Variants in DDAH1 observed in about 807,000 individuals in gnomAD.
DDAH1 encodes N(G),N(G)-dimethylarginine dimethylaminohydrolase 1.
DDAH1 carries 19 observed loss-of-function variants against 28.8 expected under a neutral mutation model. The observed-to-expected ratio is 0.66, with a 90% CI of 0.46 to 0.97. DDAH1 has a LOEUF of 0.97. Among genes scored for constraint, DDAH1 ranks in the 50% least tolerant of loss-of-function variants. The pLI is 0.00. For missense variants in DDAH1, 326 were observed against 375.9 expected (o/e 0.87, Z 1.10); for synonymous variants, 153 against 154.4 (o/e 0.99, Z 0.07).
intron 1 of DDAH1, chr1:85,379,693 T>A: frequency 6.1e-6 from 6 of 985,386 alleles, no homozygotes; most frequent in Non-Finnish European, 7.2e-6. Context: ...TTATATTCAC[T>A]GTACTCTGAA....
intron 1 of DDAH1, among the ~76,000 whole-genome samples, chr1:85,412,146 T>C (rs1215616564): frequency 6.6e-6 from 1 of 152,140 alleles, no homozygotes; most frequent in African/African-American, 2.4e-5. Context: ...ATGTGAAAGG[T>C]TTTGTTTTAA....
chr1:85,527,124 G>C (rs1485624293), intron 1 of DDAH1, among the ~76,000 whole-genome samples: 1 of 152,214 alleles, frequency 6.6e-6, no homozygotes, highest in African/African-American at 2.4e-5. Context: ...ATCATACCAA[G>C]ATATACAACC....
chr1:85,578,090 C>G, exon 1 of DDAH1: 7 of 842,118 alleles, frequency 8.3e-6, no homozygotes, highest in Non-Finnish European at 1.0e-5. Flanking sequence ...TCTGGACGGT[C>G]TTTGGGCAGG....
intron 1 of DDAH1, among the ~76,000 whole-genome samples, chr1:85,431,319 T>C (rs938363448): frequency 1.6e-4 from 25 of 152,188 alleles, no homozygotes; most frequent in Admixed American, 1.3e-4. Flanking sequence ...GATTTTCGCA[T>C]TGATGTTCAT....
intron 1 of DDAH1, among the ~76,000 whole-genome samples, chr1:85,555,249 G>A (rs551737393): frequency 6.6e-6 from 1 of 152,304 alleles, no homozygotes; most frequent in South Asian, 2.1e-4. Context: ...ATATAGACTG[G>A]TTCTCTGACA....
At chr1:85,541,341 T>C (rs1049423468) in intron 1 of DDAH1, among the ~76,000 whole-genome samples, 7 of 152,246 alleles carry the variant, frequency 4.6e-5, no homozygotes, top group African/African-American at 1.7e-4. Flanking sequence ...GGAGGAAATG[T>C]CCTGTGTGCT....
rs185253344 is a variant in DDAH1 at position 85,347,243 on chromosome 1, T to C, written c.597+3172A>G. ...AGGATCTAGAACTAGAAATACCATTTGACCCAGCCATCCCGTTACTGAGTA... is the reference window on the plus strand; with the variant it reads ...AGGATCTAGAACTAGAAATACCATTCGACCCAGCCATCCCGTTACTGAGTA... On this transcript the variant is annotated intron_variant, in intron 4 of 5. Transcript: ENST00000284031. 9.2e-5 allele frequency among the ~76,000 whole-genome samples: 14 copies of C among 152,362 alleles called. No homozygotes were observed. In the East Asian group the frequency reaches 2.7e-3, roughly 29 times the overall value.
intron 1 of DDAH1, among the ~76,000 whole-genome samples, chr1:85,508,987 T>C (rs2100748337): frequency 6.6e-6 from 1 of 152,360 alleles, no homozygotes; most frequent in South Asian, 2.1e-4. Flanking sequence ...GCCAGGCGTT[T>C]GAGCTCTGAG....
chr1:85,363,446 T>C (rs1649894067), intron 1 of DDAH1, among the ~76,000 whole-genome samples: 1 of 152,248 alleles, frequency 6.6e-6, no homozygotes, highest in Admixed American at 6.5e-5. Flanking sequence ...TTGTAACTCA[T>C]CACATTACAG....
At chr1:85,353,719 C>CTTTTAAGAAAATA (rs1553125065) in intron 2 of DDAH1, among the ~76,000 whole-genome samples, 1 of 151,926 alleles carries the variant, frequency 6.6e-6, no homozygotes, top group Non-Finnish European at 1.5e-5. Flanking sequence ...TTATTTATAA[C>CTTTTAAGAAAATA]TTTTAAGAAA....
In DDAH1 at chr1:85,537,012, G is replaced by GTA. The variant is rs1158672460; in HGVS notation, c.-122-40733_-122-40732dup. ...GTATATACATACACACAGTGTGTAT[G>GTA]TATATATATATACACAGTGGAATAC... is the stretch of plus-strand genomic sequence containing the variant. On this transcript the variant is annotated intron_variant, in intron 1 of 6. Coordinates refer to the DDAH1 transcript ENST00000426972. Among the ~76,000 whole-genome samples the GTA allele has an allele frequency of 2.4e-3, 337 of 142,192 alleles. 2 individuals are homozygous for GTA. The highest frequency in any genetic ancestry group is 8.3e-3 in the African/African-American group (318 of 38,396). 93.3% of individuals were successfully genotyped at this position (142,192 alleles called of 152,430 possible). A position where few individuals can be genotyped will look rare whatever the true frequency, so the allele number is the denominator to read the frequency against.
chr1:85,428,572 TCAGAGA>T lies in DDAH1; in HGVS notation c.303+36165_303+36170del, dbSNP rs544680705. Among the ~76,000 whole-genome samples, 508 of 152,198 alleles carry T rather than the reference TCAGAGA, an allele frequency of 3.3e-3. 1 individual carries two copies. Among genetic ancestry groups the T allele is most frequent in the Middle Eastern group, 6.8e-3 (2 of 294 alleles). On this transcript the variant is annotated intron_variant, in intron 1 of 5. Coordinates refer to ENST00000284031, the MANE Select transcript of DDAH1 (RefSeq NM_012137.4). ...TGGGTGGGGACACAGCCAAACCATA[TCAGAGA>T]CAAACACTACTTAACAAGGGTAAGG... is the stretch of plus-strand genomic sequence containing the variant.
intron 1 of DDAH1, among the ~76,000 whole-genome samples, chr1:85,448,549 C>T (rs1206006279): frequency 2.0e-5 from 3 of 152,108 alleles, no homozygotes; most frequent in Admixed American, 1.3e-4. Flanking sequence ...CATAAATGAG[C>T]GGTGTCTTAA....
At chr1:85,506,207 G>A (rs1657011741) in intron 1 of DDAH1, among the ~76,000 whole-genome samples, 1 of 152,090 alleles carries the variant, frequency 6.6e-6, no homozygotes, top group Admixed American at 6.6e-5. Context: ...TTGCCTGCTG[G>A]GTTTTGAAGT....
intron 1 of DDAH1, among the ~76,000 whole-genome samples, chr1:85,406,616 T>C (rs1220409612): frequency 6.6e-6 from 1 of 152,186 alleles, no homozygotes; most frequent in Non-Finnish European, 1.5e-5. Flanking sequence ...GCATGCAGCA[T>C]TATGCTTTGA....
rs566124722 is a variant in DDAH1 at position 85,321,198 on chromosome 1, C to T, written c.*254G>A. The T allele has an allele frequency of 1.1e-5, 4 of 356,852 alleles. No homozygotes were observed. The highest frequency in any genetic ancestry group is 8.9e-5 in the East Asian group (2 of 22,554). 22.1% of individuals were successfully genotyped at this position (356,852 alleles called of 1,614,324 possible). A position where few individuals can be genotyped will look rare whatever the true frequency, so the allele number is the denominator to read the frequency against. On this transcript the variant is annotated 3_prime_UTR_variant, in exon 6 of 6. Coordinates refer to ENST00000284031, the MANE Select transcript of DDAH1 (RefSeq NM_012137.4). ...AGTGTTTCCTTACTGGGATTAATCA[C>T]ATTTTGATAATTCATTAGCTCTGTA...
At chr1:85,553,119 TCA>T (rs1414628675) in intron 1 of DDAH1, among the ~76,000 whole-genome samples, 2 of 152,016 alleles carry the variant, frequency 1.3e-5, no homozygotes, top group Non-Finnish European at 2.9e-5. Context: ...CCAGGTGAGC[TCA>T]CACTTCCAGC....
chr1:85,520,314 A>G (rs12143570), intron 1 of DDAH1, among the ~76,000 whole-genome samples: 7,793 of 152,306 alleles, frequency 0.051, 260 homozygotes, highest in South Asian at 0.14. Flanking sequence ...CTTAGAAGTC[A>G]GAAATAGAGA....
At chr1:85,435,680 T>A (rs919382171) in intron 1 of DDAH1, among the ~76,000 whole-genome samples, 81 of 152,164 alleles carry the variant, frequency 5.3e-4, no homozygotes, top group African/African-American at 1.5e-3. Context: ...AGCAAAGGCT[T>A]GAAGGAAGTG....
Sources: allele counts gnomAD v4.1 joint callset (sites outside exome capture counted in the v4.1 genomes callset), GRCh38; gene constraint gnomAD v4.1.1; transcripts MANE v1.5; gene names NCBI Gene and HGNC (gene_info 2026-07-23, HGNC 2026-07-21).